Variants in RAF1 observed in about 807,000 individuals in gnomAD.
The protein encoded by RAF1 is Raf-1 proto-oncogene, serine/threonine kinase, also known as RAF proto-oncogene serine/threonine-protein kinase.
In RAF1, 27 loss-of-function variants were observed where a neutral mutation model predicts 81.1. The observed-to-expected ratio is 0.33, with a 90% CI of 0.25 to 0.46. The LOEUF (loss-of-function observed/expected upper bound fraction) is 0.46, where lower values mean the gene tolerates loss of function less well. RAF1 is among the 20% of genes least tolerant of loss of function. RAF1 has a pLI of 1.00. For synonymous variants in RAF1, 298 were observed against 294.0 expected (o/e 1.01, Z -0.14); for missense variants, 598 against 826.0 (o/e 0.72, Z 3.38).
chr3:12,652,431 G>C lies in RAF1; in HGVS notation c.-27+11382C>G, dbSNP rs368646388. On this transcript the variant is annotated intron_variant, in intron 1 of 17. Transcript: ENST00000442415. ...AGCTACTCGGGAGGCTGAGGCAAGA[G>C]AATCACTTGAACCCAGGAGGCAGGG... Among the ~76,000 whole-genome samples, 9 of 152,056 alleles carry C rather than the reference G, an allele frequency of 5.9e-5. 2 individuals are homozygous for C. Among genetic ancestry groups the C allele is most frequent in the Admixed American group, 3.3e-4 (5 of 15,236 alleles).
intron 1 of RAF1, among the ~76,000 whole-genome samples, chr3:12,662,221 G>C (rs2060900359): frequency 6.6e-6 from 1 of 150,702 alleles, no homozygotes; most frequent in African/African-American, 2.4e-5. Context: ...TGTAGTCCCA[G>C]CTACTCAGGA....
intron 1 of RAF1, among the ~76,000 whole-genome samples, chr3:12,633,103 T>G (rs2125502910): frequency 6.6e-6 from 1 of 152,238 alleles, no homozygotes; most frequent in South Asian, 2.1e-4. Context: ...TTCCAATTTG[T>G]TTTTAATCTT....
In RAF1 at chr3:12,585,671, A is replaced by G. The variant is rs2058311619; in HGVS notation, c.1596+10T>C. The G allele has an allele frequency of 6.3e-7, 1 of 1,599,212 alleles. No individual in the cohort carries two copies. On this transcript the variant is annotated intron_variant, in intron 15 of 17. Coordinates refer to ENST00000442415, the MANE Select transcript of RAF1 (RefSeq NM_001354689.3). ...TACCAGAGACTGCTGGTGGGAGCCCAGATTCTCACCATCCAGAGGACAGAG... is the reference window on the plus strand; with the variant it reads ...TACCAGAGACTGCTGGTGGGAGCCCGGATTCTCACCATCCAGAGGACAGAG...
rs371820097 is a variant in RAF1 at position 12,583,765 on chromosome 3, CTGTTTGTT to C, written c.*741_*748del. 506 of 233,466 alleles carry C rather than the reference CTGTTTGTT, an allele frequency of 2.2e-3. No individual in the cohort carries two copies. Among genetic ancestry groups the C allele is most frequent in the African/African-American group, 9.5e-3 (431 of 45,364 alleles). 14.5% of individuals were successfully genotyped at this position (233,466 alleles called of 1,614,324 possible). ...ACATGATGTGACTAGAGAAACAAGG[CTGTTTGTT>C]TGTTTGTTTGTTAGAGAAACAAGGC... On this transcript the variant is annotated 3_prime_UTR_variant, in exon 18 of 18. Transcript: ENST00000442415.
In RAF1 at chr3:12,634,313, A is replaced by AT. The variant is rs375472091; in HGVS notation, c.-26-15567dup. On this transcript the variant is annotated intron_variant, in intron 1 of 17. Coordinates refer to ENST00000442415, the MANE Select transcript of RAF1 (RefSeq NM_001354689.3). ...AAGCACACACTACCACGCCTGGCTA[A>AT]TTTTTTTTTTTTTTTTTAGTAGAGA... 7.7e-3 allele frequency among the ~76,000 whole-genome samples: 1,079 copies of AT among 141,016 alleles called. 7 individuals are homozygous for AT. The highest frequency in any genetic ancestry group is 8.2e-3 in the Non-Finnish European group (525 of 64,018). The allele number at this position is 141,016 out of a possible 152,430, so 92.5% of individuals were successfully genotyped here. A position where few individuals can be genotyped will look rare whatever the true frequency, so the allele number is the denominator to read the frequency against.
chr3:12,645,097 C>CAAAAAAAAAAAAAAAAAAAAAAAAAAAA (rs11401342), intron 1 of RAF1, among the ~76,000 whole-genome samples: 1 of 65,060 alleles, frequency 1.5e-5, no homozygotes, highest in African/African-American at 5.0e-5. Context: ...GACTCAGTCT[C>CAAAAAAAAAAAAAAAAAAAAAAAAAAAA]AAAAAAAAAA....
chr3:12,585,019 A>G (rs1559399250), intron 16 of RAF1, 38 bp from the exon 16 acceptor site: 1 of 1,614,048 alleles, frequency 6.2e-7, no homozygotes, highest in East Asian at 2.2e-5. Flanking sequence ...TGGGGGGTGA[A>G]TGAACAACAG....
At chr3:12,594,547 T>C (rs1397022754) in intron 11 of RAF1, among the ~76,000 whole-genome samples, 1 of 152,176 alleles carries the variant, frequency 6.6e-6, no homozygotes, top group Non-Finnish European at 1.5e-5. Context: ...AACCTCAGAA[T>C]TCAGAGCCAA....
At chr3:12,656,772 G>A (rs1345710351) in intron 1 of RAF1, among the ~76,000 whole-genome samples, 1 of 152,040 alleles carries the variant, frequency 6.6e-6, no homozygotes, top group African/African-American at 2.4e-5. Context: ...TGAGACAGGT[G>A]GATCATCTGC....
rs2125321442 is a variant in RAF1, at chr3:12,585,114, A to G, written c.1728+8T>C. The G allele has an allele frequency of 1.9e-6, 3 of 1,614,182 alleles. No homozygotes were observed. The highest frequency in any genetic ancestry group is 2.5e-6 in the Non-Finnish European group (3 of 1,180,032). ...GAGTTGGGTCCTTTCGCACCAGCAC[A>G]GACTTACCTGATCTCGGTTGTTGAT... is the stretch of plus-strand genomic sequence containing the variant. On this transcript the variant is annotated splice_region_variant and intron_variant, in intron 16 of 17. Coordinates refer to ENST00000442415, the MANE Select transcript of RAF1 (RefSeq NM_001354689.3).
intron 11 of RAF1, among the ~76,000 whole-genome samples, chr3:12,595,214 AG>A (rs2058649124): frequency 6.6e-6 from 1 of 151,966 alleles, no homozygotes; most frequent in African/African-American, 2.4e-5. Flanking sequence ...ACTACAATAC[AG>A]GTGTGCATCA....
Position 12,604,299 on chromosome 3 carries a change from G to A in RAF1, c.681-10C>T. On this transcript the variant is annotated splice_polypyrimidine_tract_variant and intron_variant, in intron 6 of 17. Coordinates refer to ENST00000442415, the MANE Select transcript of RAF1 (RefSeq NM_001354689.3). ...ATATCTGTGCTGAGAACTAGGAGGA[G>A]AAAGAAAATTCCATGATTGGCACTT... is the stretch of plus-strand genomic sequence containing the variant. The A allele has an allele frequency of 1.2e-6, 2 of 1,613,220 alleles. No homozygotes were observed. The highest frequency in any genetic ancestry group is 1.7e-6 in the Non-Finnish European group (2 of 1,179,554).
intron 1 of RAF1, among the ~76,000 whole-genome samples, chr3:12,633,888 T>C (rs150400241): frequency 1.5e-3 from 229 of 149,258 alleles, no homozygotes; most frequent in African/African-American, 5.4e-3. Flanking sequence ...TGAGCCAAGA[T>C]TGTGCCATTG....
At chr3:12,591,036 C>A (rs2058499714) in intron 12 of RAF1, 62 bp from the exon 12 acceptor site, 1 of 1,473,800 alleles carries the variant, frequency 6.8e-7, no homozygotes, top group Non-Finnish European at 9.3e-7. Context: ...GTCTACTGTG[C>A]TTTCCCGTGG....
chr3:12,630,385 G>A (rs910379233), intron 1 of RAF1, among the ~76,000 whole-genome samples: 18 of 152,058 alleles, frequency 1.2e-4, no homozygotes. Flanking sequence ...GCTACCTCAG[G>A]GAACAAAACA....
At chr3:12,624,431 A>G (rs1355342485) in intron 1 of RAF1, among the ~76,000 whole-genome samples, 2 of 152,200 alleles carry the variant, frequency 1.3e-5, no homozygotes, top group African/African-American at 4.8e-5. Flanking sequence ...AAATGGAGAT[A>G]ATCAGAAACC....
chr3:12,630,385 G>T (rs910379233), intron 1 of RAF1, among the ~76,000 whole-genome samples: 1 of 152,058 alleles, frequency 6.6e-6, no homozygotes, highest in Non-Finnish European at 1.5e-5. Context: ...GCTACCTCAG[G>T]GAACAAAACA....
intron 3 of RAF1, among the ~76,000 whole-genome samples, chr3:12,611,572 C>T (rs950400742): frequency 2.0e-5 from 3 of 152,136 alleles, no homozygotes; most frequent in Middle Eastern, 3.4e-3. Context: ...CGGTGGTGGG[C>T]GCCTGTAGTC....
rs532668125 is a variant in RAF1 at position 12,663,987 on chromosome 3, G to T, written c.-201C>A. On this transcript the variant is annotated 5_prime_UTR_variant, in exon 1 of 18. Coordinates refer to ENST00000442415, the MANE Select transcript of RAF1 (RefSeq NM_001354689.3). ...TAGCAAACGCGCTCCGCGCCTCAGGGCACGCGCCCCAAAGCCCGGCCAGCT... is the reference window on the plus strand; with the variant it reads ...TAGCAAACGCGCTCCGCGCCTCAGGTCACGCGCCCCAAAGCCCGGCCAGCT... 8.9e-4 allele frequency: 355 copies of T among 398,426 alleles called. No homozygotes were observed. Among genetic ancestry groups the T allele is most frequent in the Non-Finnish European group, 1.4e-3 (319 of 226,002 alleles). 24.7% of individuals were successfully genotyped at this position (398,426 alleles called of 1,614,324 possible). A position where few individuals can be genotyped will look rare whatever the true frequency, so the allele number is the denominator to read the frequency against.
Sources: allele counts gnomAD v4.1 joint callset (sites outside exome capture counted in the v4.1 genomes callset), GRCh38; gene constraint gnomAD v4.1.1; transcripts MANE v1.5; gene names NCBI Gene and HGNC (gene_info 2026-07-23, HGNC 2026-07-21).